The following MAGI2 variants were observed in gnomAD, a reference collection of about 807,000 sequenced individuals.
The protein encoded by MAGI2 is membrane associated guanylate kinase, WW and PDZ domain containing 2.
In MAGI2, 35 loss-of-function variants were observed where a neutral mutation model predicts 133.3. The observed-to-expected ratio is 0.26, with a 90% confidence interval of 0.20 to 0.35. MAGI2 has a LOEUF of 0.35. MAGI2 is among the 10% of genes least tolerant of loss of function. The pLI is 1.00. For missense variants in MAGI2, 1,636 were observed against 1,863.4 expected (o/e 0.88, Z 2.25); for synonymous variants, 729 against 710.6 (o/e 1.03, Z -0.41).
intron 2 of MAGI2, among the ~76,000 whole-genome samples, chr7:78,817,710 T>TA (rs1038846663): frequency 2.6e-5 from 4 of 151,124 alleles, no homozygotes; most frequent in Admixed American, 2.0e-4. Flanking sequence ...CAGTATAGTG[T>TA]AAACTTTTTT....
intron 21 of MAGI2, among the ~76,000 whole-genome samples, chr7:78,055,656 C>T (rs1296049890): frequency 6.6e-6 from 1 of 152,126 alleles, no homozygotes; most frequent in Non-Finnish European, 1.5e-5. Context: ...TAGAGTCCTC[C>T]TTCCAAAATC....
At chr7:78,873,442 C>G (rs1214096089) in intron 2 of MAGI2, among the ~76,000 whole-genome samples, 1 of 151,962 alleles carries the variant, frequency 6.6e-6, no homozygotes, top group Non-Finnish European at 1.5e-5. Flanking sequence ...GTAGCGTGAA[C>G]CCTGTTGTGA....
At chr7:78,103,353 A>C (rs985091172) in intron 20 of MAGI2, among the ~76,000 whole-genome samples, 24 of 152,232 alleles carry the variant, frequency 1.6e-4, no homozygotes, top group African/African-American at 5.8e-4. Context: ...TTATTGATCT[A>C]TACAGACATG....
At chr7:78,538,198 A>G (rs1277455417) in intron 3 of MAGI2, among the ~76,000 whole-genome samples, 1 of 152,108 alleles carries the variant, frequency 6.6e-6, no homozygotes, top group Non-Finnish European at 1.5e-5. Context: ...GGCTATTTTT[A>G]TGCCAGCACC....
At chr7:78,625,115 T>C (rs1287352334) in intron 3 of MAGI2, among the ~76,000 whole-genome samples, 1 of 152,146 alleles carries the variant, frequency 6.6e-6, no homozygotes, top group South Asian at 2.1e-4. Context: ...ATGTGTGTGG[T>C]TGTGTCTTAG....
In MAGI2 at chr7:79,195,148, G is replaced by A. The variant is rs182716747; in HGVS notation, c.302-187942C>T. Among the ~76,000 whole-genome samples, 23 of 152,008 alleles carry A rather than the reference G, an allele frequency of 1.5e-4. No individual in the cohort carries two copies. The East Asian group carries it at 2.7e-3, about 18-fold the overall frequency. ...TCATTCTTGACTGACACAAAGAGAC[G>A]ATGTGGTCACCTAGCAATCAAAAAC... On this transcript the variant is annotated intron_variant, in intron 1 of 21. Transcript: ENST00000354212.
At position 78,705,381 on chromosome 7, in the gene MAGI2, T is replaced by C. The variant is rs1211073010; in HGVS notation, c.419-78142A>G. ...AATTTTCCTGAGGCTTCCCCAGCCA[T>C]GTGGAACTGTGAGTCAAGTAAACCT... On this transcript the variant is annotated intron_variant, in intron 2 of 21. Transcript: ENST00000354212. 2.0e-5 allele frequency among the ~76,000 whole-genome samples: 3 copies of C among 152,164 alleles called. No individual in the cohort carries two copies. The East Asian group carries it at 5.8e-4, about 29-fold the overall frequency.
chr7:79,378,524 G>GT (rs772112496), intron 1 of MAGI2, among the ~76,000 whole-genome samples: 9 of 150,004 alleles, frequency 6.0e-5, no homozygotes, highest in East Asian at 4.0e-4. Flanking sequence ...GTCTGGCAGG[G>GT]TTTTTTTTTA....
In MAGI2 at chr7:78,019,391, G is replaced by T; in HGVS notation, c.4292C>A (p.Pro1431Gln). Residue 1431 changes from proline (P) to glutamine (Q), a missense_variant, in exon 22 of 22, where the codon CCG (proline) becomes CAG (glutamine). By Grantham distance (76) the Pro-to-Gln change is moderately conservative. Around this residue, in one of 5 missense-constraint regions of MAGI2, gnomAD observed 354 missense variants for 298.7 expected, o/e 1.19. Coordinates refer to ENST00000354212, the MANE Select transcript of MAGI2 (RefSeq NM_012301.4). ...AGAACCCGGCACCTTCCAGGGCCCCGGCGCGACGGCGGCCTTGCGCGCCGG... is the reference window on the plus strand; with the variant it reads ...AGAACCCGGCACCTTCCAGGGCCCCTGCGCGACGGCGGCCTTGCGCGCCGG... Reference protein sequence around the residue: ...GAPARKAAVAPGPWKVPGSDK... With the variant: ...GAPARKAAVAQGPWKVPGSDK... 1 of 1,224,904 alleles carries T rather than the reference G, an allele frequency of 8.2e-7. No homozygotes were observed. Among genetic ancestry groups the T allele is most frequent in the South Asian group, 3.5e-5 (1 of 28,662 alleles). 75.9% of individuals were successfully genotyped at this position (1,224,904 alleles called of 1,614,324 possible).
chr7:78,551,167 AC>A (rs575926703), intron 3 of MAGI2, among the ~76,000 whole-genome samples: 91 of 152,322 alleles, frequency 6.0e-4, no homozygotes, highest in Middle Eastern at 3.4e-3. Flanking sequence ...CTTGTATAGT[AC>A]AATTTTTATC....
chr7:78,636,351 CT>C (rs34984460), intron 2 of MAGI2, among the ~76,000 whole-genome samples: 14,536 of 129,092 alleles, frequency 0.11, 484 homozygotes, highest in East Asian at 0.18. Flanking sequence ...CAAAAACAGG[CT>C]TTTTTTTTTT....
intron 20 of MAGI2, among the ~76,000 whole-genome samples, chr7:78,109,129 C>T (rs1438624422): frequency 6.7e-6 from 1 of 149,790 alleles, no homozygotes; most frequent in Admixed American, 6.7e-5. Context: ...ACAGCGAAAC[C>T]CCATCTCTAC....
intron 2 of MAGI2, among the ~76,000 whole-genome samples, chr7:78,732,087 C>T (rs7790100): frequency 0.048 from 7,263 of 152,078 alleles, 344 homozygotes; most frequent in East Asian, 0.23. Flanking sequence ...AAGAAAAGAA[C>T]AATAAAATCT....
intron 1 of MAGI2, chr7:79,411,230 C>T (rs1027986865): frequency 4.1e-5 from 6 of 146,908 alleles, no homozygotes; most frequent in African/African-American, 1.5e-4. Flanking sequence ...CTCCCAAAGA[C>T]GTCTAGGTCT....
chr7:79,259,175 A>G (rs1833906320), intron 1 of MAGI2, among the ~76,000 whole-genome samples: 1 of 152,238 alleles, frequency 6.6e-6, no homozygotes, highest in Admixed American at 6.5e-5. Context: ...AATAACAACA[A>G]ATAACAATAC....
chr7:78,418,616 T>C (rs1002373393), intron 6 of MAGI2, among the ~76,000 whole-genome samples: 6 of 152,138 alleles, frequency 3.9e-5, no homozygotes, highest in African/African-American at 1.2e-4. Flanking sequence ...TAAATGTAAA[T>C]AGCCACATGT....
At chr7:78,335,682 A>G (rs577864812) in intron 9 of MAGI2, among the ~76,000 whole-genome samples, 20 of 152,286 alleles carry the variant, frequency 1.3e-4, no homozygotes, top group Middle Eastern at 3.4e-3. Flanking sequence ...AAGACAAAAA[A>G]ATGACCAGAA....
intron 1 of MAGI2, among the ~76,000 whole-genome samples, chr7:79,123,985 T>C (rs1820165063): frequency 6.6e-6 from 1 of 152,240 alleles, no homozygotes; most frequent in African/African-American, 2.4e-5. Context: ...CACTGTCCTG[T>C]TGTTCTTCCC....
chr7:78,753,888 G>GA (rs200934651), intron 2 of MAGI2, among the ~76,000 whole-genome samples: 3,778 of 152,122 alleles, frequency 0.025, 70 homozygotes, highest in Non-Finnish European at 0.037. Context: ...TCGGGTGATA[G>GA]AAAAAACTCT....
Sources: gnomAD v4.1 joint callset for allele counts (sites outside exome capture counted in the v4.1 genomes callset) on GRCh38, gnomAD v4.1.1 for gene constraint, gnomAD v4.1.1 regional missense constraint, MANE v1.5 for transcripts, NCBI Gene and HGNC (gene_info 2026-07-23, HGNC 2026-07-21) for gene names.